FHIT: variants seen among roughly 807,000 people sequenced by gnomAD.
FHIT encodes the protein fragile histidine triad diadenosine triphosphatase.
Under a neutral mutation model 17.9 loss-of-function variants are expected in FHIT, and 19 were observed. The ratio of observed to expected loss-of-function variants is 1.06; its 90% confidence interval spans 0.74 to 1.56. The LOEUF (loss-of-function observed/expected upper bound fraction) is 1.56. FHIT is among the 40% of genes most tolerant of loss of function. The pLI is 0.00. For missense variants in FHIT, 248 were observed against 189.2 expected, an observed-to-expected ratio of 1.31 and a Z score of -1.82; for synonymous variants, 81 against 69.7, an observed-to-expected ratio of 1.16 and a Z score of -0.81.
intron 5 of FHIT, among the ~76,000 whole-genome samples, chr3:60,502,384 T>C (rs2034558836): frequency 6.6e-6 from 1 of 152,176 alleles, no homozygotes; most frequent in Non-Finnish European, 1.5e-5. Context: ...TGAATGACCT[T>C]GCACGGCACA....
At chr3:60,730,141 C>T (rs782671364) in intron 4 of FHIT, 14 of 471,256 alleles carry the variant, frequency 3.0e-5, no homozygotes, top group African/African-American at 1.0e-4. Flanking sequence ...AAAGAAGCAC[C>T]GAAGGACCAC....
At chr3:59,825,424 T>C (rs1279282386) in intron 8 of FHIT, among the ~76,000 whole-genome samples, 2 of 152,252 alleles carry the variant, frequency 1.3e-5, no homozygotes, top group Non-Finnish European at 2.9e-5. Context: ...AGTTGAGTTC[T>C]GTTGTGGTTC....
chr3:60,269,070 A>T (rs74577779), intron 5 of FHIT, among the ~76,000 whole-genome samples: 13,686 of 152,256 alleles, frequency 0.09, 769 homozygotes, highest in Non-Finnish European at 0.13. Flanking sequence ...GCCCAGTGAG[A>T]GCCATTTAAG....
At chr3:60,135,494 A>G (rs1305987131) in intron 5 of FHIT, among the ~76,000 whole-genome samples, 1 of 152,178 alleles carries the variant, frequency 6.6e-6, no homozygotes, top group Non-Finnish European at 1.5e-5. Context: ...TTACTTGAAC[A>G]GCTGCAACCT....
chr3:60,247,475 C>T (rs1349243839), intron 5 of FHIT, among the ~76,000 whole-genome samples: 1 of 152,124 alleles, frequency 6.6e-6, no homozygotes, highest in African/African-American at 2.4e-5. Flanking sequence ...AACTTAAAAA[C>T]CACTTATACA....
chr3:60,513,764 T>A (rs909167116), intron 5 of FHIT, among the ~76,000 whole-genome samples: 2 of 150,606 alleles, frequency 1.3e-5, no homozygotes, highest in African/African-American at 4.9e-5. Flanking sequence ...CCTGGACCCA[T>A]GGCCTTAAAT....
intron 2 of FHIT, among the ~76,000 whole-genome samples, chr3:61,122,124 C>T (rs1211017422): frequency 6.6e-6 from 1 of 152,130 alleles, no homozygotes; most frequent in Non-Finnish European, 1.5e-5. Flanking sequence ...GCTACAGTAA[C>T]CAAAACAGCA....
At chr3:60,985,508 G>A (rs1383160665) in intron 3 of FHIT, among the ~76,000 whole-genome samples, 1 of 152,064 alleles carries the variant, frequency 6.6e-6, no homozygotes, top group African/African-American at 2.4e-5. Context: ...AACATACAGT[G>A]ATTGGTTGAA....
At chr3:59,758,849 G>C (rs1373637109) in intron 8 of FHIT, among the ~76,000 whole-genome samples, 1 of 152,082 alleles carries the variant, frequency 6.6e-6, no homozygotes, top group Non-Finnish European at 1.5e-5. Context: ...AACTGAGGTG[G>C]GAAAGGGTGA....
chr3:61,075,543 C>T (rs548107971), intron 2 of FHIT, among the ~76,000 whole-genome samples: 1 of 151,970 alleles, frequency 6.6e-6, no homozygotes, highest in South Asian at 2.1e-4. Context: ...CTTTATAGAA[C>T]CAGAAAAGGT....
chr3:60,186,796 G>C (rs1417038879), intron 5 of FHIT, among the ~76,000 whole-genome samples: 1 of 149,494 alleles, frequency 6.7e-6, no homozygotes, highest in Non-Finnish European at 1.5e-5. Flanking sequence ...CTTTGTAGAT[G>C]GATGTTTTTA....
intron 8 of FHIT, among the ~76,000 whole-genome samples, chr3:59,787,091 T>G (rs1401389640): frequency 6.6e-6 from 1 of 152,172 alleles, no homozygotes; most frequent in Non-Finnish European, 1.5e-5. Flanking sequence ...GTGTTAGGTA[T>G]TTTGCCTTCT....
intron 4 of FHIT, among the ~76,000 whole-genome samples, chr3:60,620,914 C>T (rs1289542633): frequency 1.3e-5 from 2 of 152,040 alleles, no homozygotes; most frequent in African/African-American, 4.8e-5. Context: ...TAGGCAAACT[C>T]TGCACTCGTT....
At chr3:60,192,303 T>G (rs1381622293) in intron 5 of FHIT, among the ~76,000 whole-genome samples, 1 of 150,802 alleles carries the variant, frequency 6.6e-6, no homozygotes, top group Non-Finnish European at 1.5e-5. Flanking sequence ...TCAATGGCCT[T>G]TGAAAAAGGT....
intron 4 of FHIT, among the ~76,000 whole-genome samples, chr3:60,776,626 G>A (rs1235947540): frequency 3.9e-5 from 6 of 152,252 alleles, no homozygotes; most frequent in Admixed American, 3.3e-4. Flanking sequence ...GGAACTAACC[G>A]CACCCTTAAC....
At chr3:60,311,089 G>A (rs372634002) in intron 5 of FHIT, among the ~76,000 whole-genome samples, 5 of 152,068 alleles carry the variant, frequency 3.3e-5, no homozygotes, top group East Asian at 1.9e-4. Context: ...TTAACCCAAC[G>A]TCATCCCTTT....
At chr3:60,091,319 G>A (rs1028487459) in intron 5 of FHIT, among the ~76,000 whole-genome samples, 1 of 152,192 alleles carries the variant, frequency 6.6e-6, no homozygotes, top group African/African-American at 2.4e-5. Context: ...AAGAGGAAGG[G>A]TCTTTGGTTT....
intron 8 of FHIT, among the ~76,000 whole-genome samples, chr3:59,797,807 A>T (rs752100764): frequency 3.3e-4 from 50 of 152,348 alleles, no homozygotes; most frequent in Admixed American, 5.9e-4. Flanking sequence ...TGAAATTAAT[A>T]TGATAGCATT....
At chr3:60,425,072 C>G (rs1375674654) in intron 5 of FHIT, among the ~76,000 whole-genome samples, 1 of 152,006 alleles carries the variant, frequency 6.6e-6, no homozygotes, top group Non-Finnish European at 1.5e-5. Context: ...GCTGAACGTG[C>G]CTTCCTAGGT....
Sources: gnomAD v4.1 joint callset for allele counts (sites outside exome capture counted in the v4.1 genomes callset) on GRCh38, gnomAD v4.1.1 for gene constraint, MANE v1.5 for transcripts, NCBI Gene and HGNC (gene_info 2026-07-23, HGNC 2026-07-21) for gene names.